The following BRCA1 variants were observed in gnomAD, a reference collection of about 807,000 sequenced individuals.
BRCA1 encodes the protein BRCA1 DNA repair associated, also known as breast cancer type 1 susceptibility protein.
BRCA1 carries 140 observed loss-of-function variants against 173.7 expected under a neutral mutation model. The observed-to-expected ratio is 0.81, with a 90% CI of 0.70 to 0.93. The LOEUF (loss-of-function observed/expected upper bound fraction) is 0.93, where lower values mean the gene tolerates loss of function less well. Ranked by LOEUF, BRCA1 falls within the 40% of genes least tolerant of loss-of-function variation. The pLI is 0.00. For synonymous variants in BRCA1, 662 were observed against 756.0 expected (o/e 0.88, Z 2.04); for missense variants, 1,983 against 2,172.5 (o/e 0.91, Z 1.73).
chr17:43,100,654 T>C lies in BRCA1; in HGVS notation c.442-774A>G, dbSNP rs539454967. ...ATGTTATATATATATAACATATATA[T>C]AACATATATATATATATATATATAA... On this transcript the variant is annotated intron_variant, in intron 6 of 22. Coordinates refer to ENST00000357654, the MANE Select transcript of BRCA1 (RefSeq NM_007294.4). Among the ~76,000 whole-genome samples, 6 of 42,450 alleles carry C rather than the reference T, an allele frequency of 1.4e-4. 1 individual carries two copies. The East Asian group carries it at 3.1e-3, about 22-fold the overall frequency. 27.8% of individuals were successfully genotyped at this position (42,450 alleles called of 152,430 possible). A position where few individuals can be genotyped will look rare whatever the true frequency, so the allele number is the denominator to read the frequency against.
chr17:43,145,383 G>A, intron 1 of BRCA1: 1 of 397,696 alleles, frequency 2.5e-6, no homozygotes, highest in Non-Finnish European at 4.7e-6. Flanking sequence ...CTGCAGTGCA[G>A]TGGTGCGATC....
intron 11 of BRCA1, among the ~76,000 whole-genome samples, chr17:43,085,951 C>G (rs972533495): frequency 6.6e-6 from 1 of 152,098 alleles, no homozygotes; most frequent in African/African-American, 2.4e-5. Context: ...AAGCTGAAGT[C>G]TTAGCACAAA....
At chr17:43,127,009 C>A (rs2055898649), upstream of BRCA1, among the ~76,000 whole-genome samples, 1 of 152,174 alleles carries the variant, frequency 6.6e-6, no homozygotes, top group Non-Finnish European at 1.5e-5. Flanking sequence ...CACTGCCGGC[C>A]CGCCTGCACC....
chr17:43,106,637 T>G (rs998772768), intron 3 of BRCA1, 104 bp from the exon 4 acceptor site: 41 of 829,148 alleles, frequency 4.9e-5, no homozygotes, highest in Middle Eastern at 7.2e-4. Context: ...CAACTGCCCT[T>G]AAGAGCCATT....
At position 43,123,225 on chromosome 17, in the gene BRCA1, T is replaced by TA. The variant is rs930500249; in HGVS notation, c.80+791dup. ...CCAGCCTCTCGACAGAGATCCTATATAAAAAAAAAACCTCTGCATTTCATT... is the reference window on the plus strand; with the variant it reads ...CCAGCCTCTCGACAGAGATCCTATATAAAAAAAAAAACCTCTGCATTTCATT... On this transcript the variant is annotated intron_variant, in intron 2 of 22. Coordinates refer to ENST00000357654, the MANE Select transcript of BRCA1 (RefSeq NM_007294.4). 8.7e-3 allele frequency among the ~76,000 whole-genome samples: 1,276 copies of TA among 145,876 alleles called. 51 individuals carry two copies. The highest frequency in any genetic ancestry group is 0.063 in the Admixed American group (911 of 14,544).
chr17:43,160,242 C>T (rs1367141605), intron 1 of BRCA1: 2 of 151,968 alleles, frequency 1.3e-5, no homozygotes, highest in Non-Finnish European at 2.9e-5. Flanking sequence ...GATGGGGTTT[C>T]ACCTGTAGCA....
chr17:43,116,345 C>T (rs951608612), intron 2 of BRCA1, among the ~76,000 whole-genome samples: 11 of 152,146 alleles, frequency 7.2e-5, no homozygotes, highest in African/African-American at 2.7e-4. Flanking sequence ...TCACCCATAT[C>T]CACCCCTACC....
chr17:43,096,376 CAAAAAAA>C (rs71160005), intron 8 of BRCA1, among the ~76,000 whole-genome samples: 1 of 74,208 alleles, frequency 1.3e-5, no homozygotes, highest in African/African-American at 4.9e-5. Flanking sequence ...GACTCTGTCT[CAAAAAAA>C]AAAAAAAAAA....
chr17:43,072,015 T>A (rs895064596), intron 14 of BRCA1, among the ~76,000 whole-genome samples: 7 of 146,298 alleles, frequency 4.8e-5, no homozygotes, highest in East Asian at 5.1e-4. Context: ...CTCAAAAAAA[T>A]AAATAAATAA....
At chr17:43,170,085 G>A in intron 1 of BRCA1, 1 of 359,754 alleles carries the variant, frequency 2.8e-6, no homozygotes, top group Non-Finnish European at 5.6e-6. Context: ...CATAGCGCGG[G>A]CGAGTGTGGG....
intron 11 of BRCA1, among the ~76,000 whole-genome samples, chr17:43,085,170 T>C (rs959519857): frequency 7.9e-5 from 12 of 152,176 alleles, no homozygotes; most frequent in African/African-American, 2.4e-4. Flanking sequence ...TACATTACTG[T>C]AGAAGTTCCC....
At chr17:43,168,579 C>T (rs1421683475) in intron 1 of BRCA1, among the ~76,000 whole-genome samples, 2 of 152,174 alleles carry the variant, frequency 1.3e-5, no homozygotes, top group African/African-American at 4.8e-5. Context: ...TCAGAGGTTG[C>T]GGTGAGCCCA....
At chr17:43,168,343 A>G in intron 1 of BRCA1, 1 of 335,208 alleles carries the variant, frequency 3.0e-6, no homozygotes, top group Non-Finnish European at 5.8e-6. Context: ...TCATTTTAAA[A>G]TAAGGTAAAT....
chr17:43,066,715 C>T (rs991847030), intron 16 of BRCA1, among the ~76,000 whole-genome samples: 1 of 151,216 alleles, frequency 6.6e-6, no homozygotes, highest in African/African-American at 2.4e-5. Flanking sequence ...AGCTGCCTCA[C>T]TTGTTGTTTT....
rs1159357558 is a variant in BRCA1, at chr17:43,088,028, A to G, written c.4185+2916T>C. The stretch of plus-strand genomic sequence containing the variant: ...CACCCTCCCAAAGTGCTGGGATTAC[A>G]GGTGTAAGCCACTGTGCCTAGCTTC... On this transcript the variant is annotated intron_variant, in intron 11 of 22. Transcript: ENST00000357654. Among the ~76,000 whole-genome samples, 5 of 152,168 alleles carry G rather than the reference A, an allele frequency of 3.3e-5. No homozygotes were observed. In the South Asian group the frequency reaches 1.0e-3, roughly 31 times the overall value.
chr17:43,046,201 G>C (rs1226764255), intron 22 of BRCA1, among the ~76,000 whole-genome samples: 1 of 149,036 alleles, frequency 6.7e-6, no homozygotes, highest in African/African-American at 2.5e-5. Flanking sequence ...GGGATTACAG[G>C]CGTGAGCCAC....
chr17:43,070,893 T>C (rs764256814), intron 15 of BRCA1, 35 bp downstream of exon 15: 3 of 1,609,378 alleles, frequency 1.9e-6, no homozygotes, highest in Non-Finnish European at 2.6e-6. Context: ...TTGTTAAGTC[T>C]TAGTCATTAG....
chr17:43,073,366 A>G (rs2052539953), intron 14 of BRCA1, among the ~76,000 whole-genome samples: 1 of 152,190 alleles, frequency 6.6e-6, no homozygotes, highest in African/African-American at 2.4e-5. Context: ...TAAAAACAGC[A>G]GAGATGTCAT....
intron 12 of BRCA1, among the ~76,000 whole-genome samples, chr17:43,081,622 C>G (rs942852638): frequency 1.3e-5 from 2 of 152,200 alleles, no homozygotes; most frequent in African/African-American, 4.8e-5. Context: ...TGCCTAGCAT[C>G]TCCTATGTGT....
Sources: gnomAD v4.1 joint callset for allele counts (sites outside exome capture counted in the v4.1 genomes callset) on GRCh38, gnomAD v4.1.1 for gene constraint, MANE v1.5 for transcripts, NCBI Gene and HGNC (gene_info 2026-07-23, HGNC 2026-07-21) for gene names.